The following TLN2 variants were observed in gnomAD, a reference collection of about 807,000 sequenced individuals.
TLN2 encodes the protein talin-2.
Under a neutral mutation model 294.7 loss-of-function variants are expected in TLN2, and 118 were observed. The observed-to-expected ratio is 0.40, with a 90% CI of 0.34 to 0.47. The LOEUF (loss-of-function observed/expected upper bound fraction) is 0.47. Ranked by LOEUF, TLN2 falls within the 20% of genes least tolerant of loss-of-function variation. The pLI is 0.84. For missense variants in TLN2, 3,083 were observed against 3,282.2 expected (o/e 0.94, Z 1.48); for synonymous variants, 1,431 against 1,304.5 (o/e 1.10, Z -2.09).
intron 1 of TLN2, among the ~76,000 whole-genome samples, chr15:62,412,736 G>C (rs2033844837): frequency 6.6e-6 from 1 of 152,176 alleles, no homozygotes; most frequent in Admixed American, 6.5e-5. Flanking sequence ...TTTTTCTAAT[G>C]CTCCCCTAGA....
chr15:62,614,115 G>T (rs938681222), intron 2 of TLN2, among the ~76,000 whole-genome samples: 19 of 152,250 alleles, frequency 1.2e-4, no homozygotes, highest in African/African-American at 4.6e-4. Flanking sequence ...ACAGTTTATT[G>T]TATATAAATT....
chr15:62,548,367 G>C (rs773752239), intron 1 of TLN2, among the ~76,000 whole-genome samples: 1 of 152,222 alleles, frequency 6.6e-6, no homozygotes, highest in African/African-American at 2.4e-5. Flanking sequence ...AAAAGTAGGA[G>C]TGGGGTAGAC....
intron 2 of TLN2, among the ~76,000 whole-genome samples, chr15:62,600,786 C>T (rs1225313925): frequency 6.6e-6 from 1 of 152,200 alleles, no homozygotes. Flanking sequence ...CCTCTTCCCA[C>T]CCATTATTTT....
chr15:62,714,947 C>G (rs1476113151), intron 22 of TLN2, among the ~76,000 whole-genome samples: 2 of 152,148 alleles, frequency 1.3e-5, no homozygotes, highest in African/African-American at 4.8e-5. Context: ...CTGATGTGCA[C>G]TTGAGACATA....
intron 28 of TLN2, 27 bp downstream of exon 28, chr15:62,727,216 G>A (rs1018521961): frequency 1.9e-6 from 3 of 1,601,146 alleles, no homozygotes; most frequent in Non-Finnish European, 2.6e-6. Flanking sequence ...TCATGCCACT[G>A]TGGCCAGCTT....
At chr15:62,828,543 A>T (rs548434812) in intron 54 of TLN2, 2 of 152,338 alleles carry the variant, frequency 1.3e-5, no homozygotes, top group East Asian at 1.9e-4. Context: ...TTACATTTGT[A>T]TGTCCATGCA....
intron 52 of TLN2, among the ~76,000 whole-genome samples, chr15:62,810,554 A>G (rs571102700): frequency 4.7e-4 from 71 of 152,026 alleles, no homozygotes; most frequent in African/African-American, 1.6e-3. Context: ...TAGTGTGCCT[A>G]GTGTGGAGCT....
intron 57 of TLN2, among the ~76,000 whole-genome samples, chr15:62,836,439 C>G (rs2069598884): frequency 6.6e-6 from 1 of 152,224 alleles, no homozygotes; most frequent in African/African-American, 2.4e-5. Flanking sequence ...AGGTTCCCAT[C>G]ACATGGTGCT....
chr15:62,638,553 G>A (rs753761136), intron 3 of TLN2: 1 of 455,902 alleles, frequency 2.2e-6, no homozygotes, highest in Non-Finnish European at 4.4e-6. Context: ...AGAAGGTCTG[G>A]TTGTGCTTTT....
chr15:62,434,449 T>TA (rs1566968392), intron 1 of TLN2, among the ~76,000 whole-genome samples: 2 of 152,250 alleles, frequency 1.3e-5, no homozygotes. Context: ...GTCTTTTTTT[T>TA]ATCTTTTGCT....
intron 28 of TLN2, among the ~76,000 whole-genome samples, chr15:62,729,103 T>A (rs1463214973): frequency 1.3e-5 from 2 of 152,230 alleles, no homozygotes; most frequent in Non-Finnish European, 2.9e-5. Flanking sequence ...GGCTACTTTT[T>A]CCCAATGATC....
chr15:62,466,545 C>G (rs1304028404), intron 1 of TLN2, among the ~76,000 whole-genome samples: 1 of 152,212 alleles, frequency 6.6e-6, no homozygotes, highest in Non-Finnish European at 1.5e-5. Context: ...TGAAATTGCT[C>G]CTTGTTGAGA....
chr15:62,439,035 A>G (rs113311165), intron 1 of TLN2, among the ~76,000 whole-genome samples: 12 of 152,364 alleles, frequency 7.9e-5, no homozygotes, highest in Middle Eastern at 3.4e-3. Flanking sequence ...GAAAAAGATA[A>G]TTATATGTGG....
At chr15:62,777,106 G>A (rs2063769981) in intron 43 of TLN2, among the ~76,000 whole-genome samples, 196 bp downstream of exon 43, 1 of 152,120 alleles carries the variant, frequency 6.6e-6, no homozygotes, top group Admixed American at 6.5e-5. Flanking sequence ...TAAGCCAGTT[G>A]TGCCTTCTAA....
chr15:62,795,361 G>A (rs1425728871), intron 46 of TLN2, among the ~76,000 whole-genome samples: 1 of 152,146 alleles, frequency 6.6e-6, no homozygotes, highest in East Asian at 1.9e-4. Flanking sequence ...CTCAGCCAGG[G>A]GAGATTTGTA....
At chr15:62,711,870 A>G (rs1431511342) in intron 21 of TLN2, 41 bp from the exon 22 acceptor site, 4 of 1,567,624 alleles carry the variant, frequency 2.6e-6, no homozygotes, top group Non-Finnish European at 3.5e-6. Flanking sequence ...TGACCTTTGA[A>G]AAGCAGACAA....
At chr15:62,493,117 C>T (rs1034013349) in intron 1 of TLN2, among the ~76,000 whole-genome samples, 2 of 152,118 alleles carry the variant, frequency 1.3e-5, no homozygotes, top group Non-Finnish European at 2.9e-5. Context: ...AGATGAAGGG[C>T]GTAAATCATG....
At chr15:62,643,777 T>C (rs2051461552) in intron 3 of TLN2, among the ~76,000 whole-genome samples, 1 of 152,094 alleles carries the variant, frequency 6.6e-6, no homozygotes, top group Admixed American at 6.5e-5. Flanking sequence ...CACCTCAGAC[T>C]CTGCACCCAG....
At chr15:62,577,774 A>G (rs986091971) in intron 1 of TLN2, among the ~76,000 whole-genome samples, 3 of 152,076 alleles carry the variant, frequency 2.0e-5, no homozygotes, top group Non-Finnish European at 4.4e-5. Context: ...TACATGTGCC[A>G]TGTTGGTTTG....
Sources: allele counts gnomAD v4.1 joint callset (sites outside exome capture counted in the v4.1 genomes callset), GRCh38; gene constraint gnomAD v4.1.1; transcripts MANE v1.5; gene names NCBI Gene and HGNC (gene_info 2026-07-23, HGNC 2026-07-21).